Variants in ATCAY observed in about 807,000 individuals in gnomAD.
The protein encoded by ATCAY is caytaxin.
ATCAY carries 22 observed loss-of-function variants against 47.7 expected under a neutral mutation model. That is an observed-to-expected ratio of 0.46 (90% CI 0.33 to 0.66). The LOEUF is 0.66. Among genes scored for constraint, ATCAY ranks in the 30% least tolerant of loss-of-function variants. The pLI is 0.02. For synonymous variants in ATCAY, 216 were observed against 207.6 expected, an observed-to-expected ratio of 1.04 and a Z score of -0.35; for missense variants, 452 against 515.0, an observed-to-expected ratio of 0.88 and a Z score of 1.18.
chr19:3,898,314 A>C (rs1179414499), intron 2 of ATCAY, among the ~76,000 whole-genome samples: 1 of 152,162 alleles, frequency 6.6e-6, no homozygotes. Context: ...CCTCCTGAGT[A>C]CTTGGAACTA....
intron 2 of ATCAY, among the ~76,000 whole-genome samples, chr19:3,887,282 A>AC (rs1437819571): frequency 6.8e-6 from 1 of 148,022 alleles, no homozygotes; most frequent in African/African-American, 2.5e-5. Flanking sequence ...AGATAGTGAG[A>AC]CCCCATTTCT....
chr19:3,910,387 A>G (rs1221592686), intron 7 of ATCAY, among the ~76,000 whole-genome samples: 1 of 152,086 alleles, frequency 6.6e-6, no homozygotes, highest in Non-Finnish European at 1.5e-5. Flanking sequence ...TCCACCCCTG[A>G]GTTATTGTAA....
rs191815506 is a variant in ATCAY, at chr19:3,911,169, A to G, written c.866+280A>G. Among the ~76,000 whole-genome samples the G allele has an allele frequency of 2.1e-3, 318 of 152,320 alleles. 3 individuals carry two copies. The highest frequency in any genetic ancestry group is 7.0e-3 in the African/African-American group (292 of 41,578). On this transcript the variant is annotated intron_variant, in intron 8 of 12. Transcript: ENST00000450849. ...TGAGGTGGGAGGATCGTTTGAGGCC[A>G]GCCTGAGCAACATAGCAAAACCCCC...
intron 8 of ATCAY, among the ~76,000 whole-genome samples, chr19:3,913,277 ACT>A (rs781569421): frequency 4.6e-5 from 7 of 152,106 alleles, no homozygotes; most frequent in Middle Eastern, 3.2e-3. Context: ...GAAGAGCAAG[ACT>A]CTGTGTCAAA....
At chr19:3,886,092 C>T (rs757647517) in intron 2 of ATCAY, among the ~76,000 whole-genome samples, 16 of 152,192 alleles carry the variant, frequency 1.1e-4, no homozygotes, top group Non-Finnish European at 2.1e-4. Context: ...ATTTAAGATT[C>T]ATTTCTGTCT....
chr19:3,913,191 G>A (rs1454203384), intron 8 of ATCAY, among the ~76,000 whole-genome samples: 1 of 151,966 alleles, frequency 6.6e-6, no homozygotes, highest in African/African-American at 2.4e-5. Context: ...GGAGGCTGAG[G>A]CAGGGAAAAT....
At chr19:3,920,932 C>A (rs1341249183) in intron 12 of ATCAY, 134 bp downstream of exon 12, 3 of 1,049,698 alleles carry the variant, frequency 2.9e-6, no homozygotes, top group Non-Finnish European at 4.2e-6. Context: ...GGATCCTAAT[C>A]CCAGGAAAAC....
At chr19:3,901,067 A>G (rs1187879569) in intron 2 of ATCAY, among the ~76,000 whole-genome samples, 1 of 150,864 alleles carries the variant, frequency 6.6e-6, no homozygotes, top group African/African-American at 2.4e-5. Flanking sequence ...ACGCCCCGCT[A>G]TTTTTTTTGT....
chr19:3,908,465 G>A (rs2038886229), intron 6 of ATCAY, 95 bp downstream of exon 6: 1 of 1,183,920 alleles, frequency 8.4e-7, no homozygotes, highest in Non-Finnish European at 1.2e-6. Flanking sequence ...TGTGGCCCTA[G>A]GAAGCCTGCC....
At position 3,907,600 on chromosome 19, in the gene ATCAY, G is replaced by A; in HGVS notation, c.359-134G>A. The stretch of plus-strand genomic sequence containing the variant: ...GAGAGGAAAATGGGTCAGCAGGGCA[G>A]CCAGGTGGGGAGAAGCGAAGGACTT... On this transcript the variant is annotated intron_variant, in intron 4 of 12. Transcript: ENST00000450849. The surrounding 1 kb of genome is among the most constrained non-coding windows in gnomAD (Gnocchi z 5.1). 1 of 1,085,116 alleles carries A rather than the reference G, an allele frequency of 9.2e-7. No homozygotes were observed. 67.2% of individuals were successfully genotyped at this position (1,085,116 alleles called of 1,614,324 possible).
At chr19:3,900,909 T>G (rs964872374) in intron 2 of ATCAY, among the ~76,000 whole-genome samples, 36 of 138,060 alleles carry the variant, frequency 2.6e-4, no homozygotes, top group Non-Finnish European at 4.9e-4. Flanking sequence ...TTTTTTTTTT[T>G]TTTTTTTTTT....
chr19:3,922,198 C>T (rs1385431780), intron 12 of ATCAY: 1 of 701,730 alleles, frequency 1.4e-6, no homozygotes, highest in South Asian at 1.5e-5. Flanking sequence ...GCCACGTGGC[C>T]CAAGTTCCAA....
At chr19:3,892,808 T>C (rs1306720358) in intron 2 of ATCAY, among the ~76,000 whole-genome samples, 1 of 151,882 alleles carries the variant, frequency 6.6e-6, no homozygotes, top group Non-Finnish European at 1.5e-5. Flanking sequence ...CTGGGGAGGC[T>C]GAAGCAGGAG....
At chr19:3,922,642 A>T (rs1012914118) in intron 12 of ATCAY, among the ~76,000 whole-genome samples, 5 of 152,184 alleles carry the variant, frequency 3.3e-5, no homozygotes, top group Non-Finnish European at 5.9e-5. Flanking sequence ...ATGCTCCAAG[A>T]GTTTAGAAGT....
At chr19:3,890,628 C>T (rs1026825706) in intron 2 of ATCAY, among the ~76,000 whole-genome samples, 3 of 152,150 alleles carry the variant, frequency 2.0e-5, no homozygotes, top group South Asian at 2.1e-4. Flanking sequence ...CAAGGCCGAG[C>T]GCACCTGCAA....
At chr19:3,908,514 C>G in intron 6 of ATCAY, 144 bp downstream of exon 6, 1 of 768,336 alleles carries the variant, frequency 1.3e-6, no homozygotes, top group East Asian at 2.7e-5. Context: ...AGACCTTGAT[C>G]TGAGTCCCTG....
At chr19:3,882,141 C>A (rs987757057) in intron 1 of ATCAY, among the ~76,000 whole-genome samples, 5 of 152,094 alleles carry the variant, frequency 3.3e-5, no homozygotes, top group African/African-American at 1.2e-4. Flanking sequence ...GTAACCTACT[C>A]CACAGAGAGG....
chr19:3,903,535 T>A (rs966242833), intron 3 of ATCAY, among the ~76,000 whole-genome samples: 2 of 151,552 alleles, frequency 1.3e-5, no homozygotes, highest in Non-Finnish European at 2.9e-5. Context: ...CAAACAAAAT[T>A]TTTTTGGAGA....
At chr19:3,917,887 G>C (rs2038980013) in intron 10 of ATCAY, 110 bp downstream of exon 10, 2 of 1,238,218 alleles carry the variant, frequency 1.6e-6, no homozygotes, top group South Asian at 3.3e-5. Context: ...CCATTGTCCT[G>C]TGCAGGGCTC....
Sources: gnomAD v4.1 joint callset for allele counts (sites outside exome capture counted in the v4.1 genomes callset) on GRCh38, gnomAD v4.1.1 for gene constraint, Gnocchi (gnomAD v3.1) non-coding constraint, MANE v1.5 for transcripts, NCBI Gene and HGNC (gene_info 2026-07-23, HGNC 2026-07-21) for gene names.